The following REDIC1 variants were observed in gnomAD, a reference collection of about 807,000 sequenced individuals.
REDIC1 encodes the protein regulator of DNA class I crossover intermediates 1, also known as HEI10 Interacting Protein 1.
chr12:39,883,997 C>T, the REDIC1 span, among the ~76,000 whole-genome samples: 1 of 152,188 alleles, frequency 6.6e-6, no homozygotes, highest in African/African-American at 2.4e-5. Flanking sequence ...CTTCTTTACA[C>T]ATTTCCAATT....
the REDIC1 span, among the ~76,000 whole-genome samples, chr12:39,690,375 T>TACATGGGAACATATAATAAA: frequency 3.9e-4 from 59 of 152,258 alleles, no homozygotes; most frequent in African/African-American, 1.0e-3. Context: ...AAAATACAAT[T>TACATGGGAACATATAATAAA]GTTAACATGG....
the REDIC1 span, among the ~76,000 whole-genome samples, chr12:39,777,873 T>C: frequency 1.3e-5 from 2 of 152,176 alleles, no homozygotes; most frequent in African/African-American, 4.8e-5. Context: ...ATCTGATTCT[T>C]CTGGTACACA....
the REDIC1 span, among the ~76,000 whole-genome samples, chr12:39,812,342 C>T: frequency 4.7e-5 from 2 of 42,970 alleles, no homozygotes; most frequent in Non-Finnish European, 1.2e-4. Flanking sequence ...TTTCTTTTTT[C>T]TTTTCTTTTC....
At chr12:39,660,696 A>G in the REDIC1 span, among the ~76,000 whole-genome samples, 2 of 152,086 alleles carry the variant, frequency 1.3e-5, no homozygotes, top group African/African-American at 4.8e-5. Flanking sequence ...TTTGAAATGT[A>G]CAACACATTT....
At chr12:39,780,285 C>A in the REDIC1 span, among the ~76,000 whole-genome samples, 21 of 152,182 alleles carry the variant, frequency 1.4e-4, no homozygotes, top group Non-Finnish European at 5.9e-5. Context: ...CTGTCTCTTT[C>A]TCCTTCAACA....
chr12:39,855,765 CA>C, the REDIC1 span, among the ~76,000 whole-genome samples: 5 of 152,170 alleles, frequency 3.3e-5, no homozygotes, highest in Non-Finnish European at 7.3e-5. Flanking sequence ...CCAGGTTGTT[CA>C]GGATACATTA....
chr12:39,861,020 T>C, the REDIC1 span, among the ~76,000 whole-genome samples: 3 of 152,228 alleles, frequency 2.0e-5, no homozygotes, highest in African/African-American at 7.2e-5. Context: ...GTCTTAATAG[T>C]CTTATCTGAA....
At chr12:39,759,926 T>C in the REDIC1 span, 1 of 821,626 alleles carries the variant, frequency 1.2e-6, no homozygotes, top group East Asian at 2.6e-5. Context: ...AAAACTAGGC[T>C]GTGGAAAGAA....
At chr12:39,904,519 A>G in the REDIC1 span, among the ~76,000 whole-genome samples, 5 of 152,092 alleles carry the variant, frequency 3.3e-5, no homozygotes, top group African/African-American at 1.2e-4. Flanking sequence ...CAAGACCTTA[A>G]CTTAGGACAC....
chr12:39,820,744 TA>T, the REDIC1 span, among the ~76,000 whole-genome samples: 1 of 8,398 alleles, frequency 1.2e-4, no homozygotes, highest in Non-Finnish European at 1.8e-4. Context: ...TATATATATA[TA>T]TATATATATA....
chr12:39,880,563 A>G, the REDIC1 span, among the ~76,000 whole-genome samples: 9 of 152,240 alleles, frequency 5.9e-5, no homozygotes, highest in Admixed American at 5.2e-4. Flanking sequence ...CAAAAATCAT[A>G]GAAACCTGCA....
the REDIC1 span, among the ~76,000 whole-genome samples, chr12:39,890,510 A>C: frequency 6.6e-6 from 1 of 152,208 alleles, no homozygotes; most frequent in Non-Finnish European, 1.5e-5. Context: ...GCCTAATATA[A>C]GCATGAGAGT....
At chr12:39,706,710 C>G in the REDIC1 span, among the ~76,000 whole-genome samples, 1 of 151,798 alleles carries the variant, frequency 6.6e-6, no homozygotes, top group Non-Finnish European at 1.5e-5. Context: ...CCACACATTT[C>G]CAGTGAACTC....
chr12:39,672,268 G>T, the REDIC1 span, among the ~76,000 whole-genome samples: 1 of 152,120 alleles, frequency 6.6e-6, no homozygotes, highest in South Asian at 2.1e-4. Context: ...CAGGGCCCCT[G>T]ATGGTGCATG....
chr12:39,731,998 A>G, the REDIC1 span, among the ~76,000 whole-genome samples: 6 of 152,308 alleles, frequency 3.9e-5, no homozygotes, highest in East Asian at 5.8e-4. Flanking sequence ...AAGCCCTTTC[A>G]TGGGTCCTGT....
the REDIC1 span, among the ~76,000 whole-genome samples, chr12:39,734,335 C>A: frequency 6.6e-6 from 1 of 152,298 alleles, no homozygotes; most frequent in Middle Eastern, 3.4e-3. Context: ...GAGTTGCAGT[C>A]CGGAGCTGTT....
the REDIC1 span, chr12:39,830,135 A>G: frequency 1.9e-6 from 3 of 1,613,638 alleles, no homozygotes; most frequent in Non-Finnish European, 2.5e-6. Context: ...TAGATGCTTT[A>G]TTAACTGGAA....
chr12:39,887,223 A>T, the REDIC1 span, among the ~76,000 whole-genome samples: 1 of 152,236 alleles, frequency 6.6e-6, no homozygotes, highest in Non-Finnish European at 1.5e-5. Context: ...GCTGCTAAAT[A>T]AGTTGTCACT....
chr12:39,870,921 A>G, the REDIC1 span, among the ~76,000 whole-genome samples: 1 of 152,212 alleles, frequency 6.6e-6, no homozygotes, highest in African/African-American at 2.4e-5. Context: ...CAGTTCTATT[A>G]GATCAATGTT....
Sources: allele counts gnomAD v4.1 joint callset (sites outside exome capture counted in the v4.1 genomes callset), GRCh38; gene constraint gnomAD v4.1.1; transcripts MANE v1.5; gene names NCBI Gene and HGNC (gene_info 2026-07-23, HGNC 2026-07-21).